The following KCNQ2 variants were observed in gnomAD, a reference collection of about 807,000 sequenced individuals.
The protein encoded by KCNQ2 is potassium voltage-gated channel subfamily Q member 2.
Under a neutral mutation model 84.8 loss-of-function variants are expected in KCNQ2, and 14 were observed. The observed-to-expected ratio is 0.17, with a 90% CI of 0.11 to 0.26. KCNQ2 has a LOEUF of 0.26. Among genes scored for constraint, KCNQ2 ranks in the 10% least tolerant of loss-of-function variants. The probability of loss-of-function intolerance (pLI) is 1.00; values close to 1 mark genes in which losing one functional copy is unlikely to be tolerated. For missense variants in KCNQ2, 788 were observed against 1,254.0 expected (o/e 0.63, Z 5.61); for synonymous variants, 599 against 554.1 (o/e 1.08, Z -1.14).
chr20:63,452,576 G>C (rs867432104), intron 1 of KCNQ2, among the ~76,000 whole-genome samples: 1 of 152,270 alleles, frequency 6.6e-6, no homozygotes, highest in Admixed American at 6.5e-5. Flanking sequence ...TGTATACAGA[G>C]TGTATGCATA....
intron 4 of KCNQ2, among the ~76,000 whole-genome samples, chr20:63,444,094 G>A (rs2081343496): frequency 6.6e-6 from 1 of 152,236 alleles, no homozygotes. Context: ...GCTCAAGAGG[G>A]AAGAAAATGG....
chr20:63,408,624 CT>C lies in KCNQ2; in HGVS notation c.1764-89del. ...CCTCCTGGACCAGGCCACAGTGCCC[CT>C]GGGTCTAGGCTGCAGGCTCAGCCCA... On this transcript the variant is annotated intron_variant, in intron 15 of 16. Transcript: ENST00000359125. The surrounding 1 kb of genome is among the most constrained non-coding windows in gnomAD (Gnocchi z 5.0). The C allele has an allele frequency of 6.4e-7, 1 of 1,558,562 alleles. No homozygotes were observed. The highest frequency in any genetic ancestry group is 8.7e-7 in the Non-Finnish European group (1 of 1,155,532).
chr20:63,469,491 C>T (rs546356476), intron 1 of KCNQ2, among the ~76,000 whole-genome samples: 5 of 152,374 alleles, frequency 3.3e-5, no homozygotes, highest in South Asian at 4.1e-4. Context: ...TGGCCTGACG[C>T]CCACCAAGCC....
chr20:63,445,046 C>T (rs187559967), intron 3 of KCNQ2, among the ~76,000 whole-genome samples, 192 bp downstream of exon 3: 104 of 152,324 alleles, frequency 6.8e-4, no homozygotes, highest in East Asian at 3.9e-3. Flanking sequence ...CGCCACATTC[C>T]TCTTCCTGAC....
intron 11 of KCNQ2, 113 bp downstream of exon 11, chr20:63,424,060 ACACG>A: frequency 8.5e-7 from 1 of 1,170,700 alleles, no homozygotes; most frequent in Non-Finnish European, 1.2e-6. Flanking sequence ...ACACAGTCAC[ACACG>A]GAAGCACACA....
intron 1 of KCNQ2, among the ~76,000 whole-genome samples, chr20:63,466,256 C>T (rs1020225518): frequency 6.6e-6 from 1 of 151,910 alleles, no homozygotes; most frequent in African/African-American, 2.4e-5. Context: ...CGCTCGAGCC[C>T]GGGCCCCGCG....
chr20:63,466,277 C>T (rs1482368935), intron 1 of KCNQ2, among the ~76,000 whole-genome samples: 1 of 151,706 alleles, frequency 6.6e-6, no homozygotes, highest in Non-Finnish European at 1.5e-5. Context: ...CTTCAACCCA[C>T]GACCCCCGCA....
chr20:63,442,860 CCAT>C (rs2081239162), intron 4 of KCNQ2, among the ~76,000 whole-genome samples: 7 of 66,980 alleles, frequency 1.0e-4, no homozygotes, highest in Admixed American at 2.8e-4. Flanking sequence ...ATCACCACCA[CCAT>C]CACCATCACC....
rs1466426304 is a variant in KCNQ2, at chr20:63,460,558, T to C, written c.296+11610A>G. 1.3e-5 allele frequency among the ~76,000 whole-genome samples: 2 copies of C among 150,678 alleles called. No homozygotes were observed. The highest frequency in any genetic ancestry group is 2.9e-5 in the Non-Finnish European group (2 of 67,852). On this transcript the variant is annotated intron_variant, in intron 1 of 16. Coordinates refer to ENST00000359125, the MANE Select transcript of KCNQ2 (RefSeq NM_172107.4). This position sits in a 1 kb window ranked among gnomAD's most constrained non-coding sequence, Gnocchi z 5.4. ...AGTCCCTGGCCCCCTACAAACGTCC[T>C]AGTGAGTGCTCTCTCTCGGCCTCCA...
In KCNQ2 at chr20:63,408,608, C is replaced by G; in HGVS notation, c.1764-72G>C. ...AGGGCCCCTGCCCTCTCCTCCTGGA[C>G]CAGGCCACAGTGCCCCTGGGTCTAG... On this transcript the variant is annotated intron_variant, in intron 15 of 16. Transcript: ENST00000359125. The surrounding 1 kb of genome is among the most constrained non-coding windows in gnomAD (Gnocchi z 5.0). 6.3e-7 allele frequency: 1 copy of G among 1,578,222 alleles called. No individual in the cohort carries two copies. The highest frequency in any genetic ancestry group is 1.8e-5 in the Admixed American group (1 of 55,896).
chr20:63,455,012 G>A (rs890431360), intron 1 of KCNQ2, among the ~76,000 whole-genome samples: 2 of 152,322 alleles, frequency 1.3e-5, no homozygotes, highest in South Asian at 2.1e-4. Context: ...TCGCTGGCTC[G>A]GCAAGGGCTG....
intron 2 of KCNQ2, among the ~76,000 whole-genome samples, chr20:63,445,840 G>GCCCTGTCTGAGCTGGGGGA (rs1568943140): frequency 8.2e-5 from 11 of 134,682 alleles, no homozygotes; most frequent in South Asian, 2.5e-4. Flanking sequence ...GAGCTGGGAG[G>GCCCTGTCTGAGCTGGGGGA]CCCTGTCTGA....
rs2079921812 is a variant in KCNQ2, at chr20:63,406,076, G to A, written c.*568C>T. ...ACGCCAACCAATAGCTCTGTATTTG[G>A]GCGCCCCTGAGGTGGGGAACAGGAA... is the stretch of plus-strand genomic sequence containing the variant. On this transcript the variant is annotated 3_prime_UTR_variant, in exon 17 of 17. Coordinates refer to ENST00000359125, the MANE Select transcript of KCNQ2 (RefSeq NM_172107.4). 1 of 153,472 alleles carries A rather than the reference G, an allele frequency of 6.5e-6. No homozygotes were observed. The highest frequency in any genetic ancestry group is 6.4e-5 in the Admixed American group (1 of 15,548). The allele number at this position is 153,472 out of a possible 1,614,324, so 9.5% of individuals were successfully genotyped here.
At chr20:63,442,692 T>TCACCATCAC (rs1568933788) in intron 4 of KCNQ2, among the ~76,000 whole-genome samples, 161 bp from the exon 5 acceptor site, 5 of 50,126 alleles carry the variant, frequency 1.0e-4, no homozygotes, top group African/African-American at 3.3e-4. Context: ...ACCATCACCA[T>TCACCATCAC]CACCACCATC....
intron 7 of KCNQ2, among the ~76,000 whole-genome samples, chr20:63,436,390 G>A (rs1382136760): frequency 6.6e-6 from 1 of 152,178 alleles, no homozygotes; most frequent in Non-Finnish European, 1.5e-5. Context: ...AATTAGCCAG[G>A]CGTGGTGGTG....
chr20:63,472,494 C>A lies in KCNQ2; in HGVS notation c.-31G>T. 1 of 1,455,284 alleles carries A rather than the reference C, an allele frequency of 6.9e-7. No individual in the cohort carries two copies. Among genetic ancestry groups the A allele is most frequent in the Non-Finnish European group, 9.0e-7 (1 of 1,107,390 alleles). The allele number at this position is 1,455,284 out of a possible 1,614,324, so 90.1% of individuals were successfully genotyped here. A position where few individuals can be genotyped will look rare whatever the true frequency, so the allele number is the denominator to read the frequency against. Reference sequence around the variant, plus strand: ...CTGGCGGGAGGCGCCCCGGGTCGGGCTCAGGCTCAGCGGGGGCGGAGCGCG... The same window carrying A: ...CTGGCGGGAGGCGCCCCGGGTCGGGATCAGGCTCAGCGGGGGCGGAGCGCG... On this transcript the variant is annotated 5_prime_UTR_variant, in exon 1 of 17. Coordinates refer to ENST00000359125, the MANE Select transcript of KCNQ2 (RefSeq NM_172107.4).
chr20:63,411,920 G>A (rs1020962745), intron 15 of KCNQ2: 14 of 711,300 alleles, frequency 2.0e-5, no homozygotes, highest in African/African-American at 5.3e-5. Context: ...CCGGCGAAAC[G>A]CATCGTAAAG....
At position 63,442,472 on chromosome 20, in the gene KCNQ2, C is replaced by A. The variant is rs751037167; in HGVS notation, c.750G>T (p.Val250=). ...FLCLILASFL[V]YLAEKGENDH... ...CGTTCTCCCCCTTCTCTGCCAAGTA[C>A]ACCAGGAACGAGGCCAGGATGAGAC... The change falls in exon 5 of 17, where the codon GTG becomes GTT. Residue 250 remains valine, a synonymous_variant. Transcript: ENST00000359125. The A allele has an allele frequency of 1.2e-6, 2 of 1,613,822 alleles. No homozygotes were observed. Among genetic ancestry groups the A allele is most frequent in the Non-Finnish European group, 1.7e-6 (2 of 1,179,956 alleles).
intron 3 of KCNQ2, 102 bp downstream of exon 3, chr20:63,445,136 A>G: frequency 6.6e-7 from 1 of 1,509,994 alleles, no homozygotes; most frequent in South Asian, 1.1e-5. Context: ...AGTCCTGCCC[A>G]GCCTCTCTGG....
Sources: gnomAD v4.1 joint callset for allele counts (sites outside exome capture counted in the v4.1 genomes callset) on GRCh38, gnomAD v4.1.1 for gene constraint, Gnocchi (gnomAD v3.1) non-coding constraint, MANE v1.5 for transcripts, NCBI Gene and HGNC (gene_info 2026-07-23, HGNC 2026-07-21) for gene names.